The following TMPRSS7 variants were observed in gnomAD, a reference collection of about 807,000 sequenced individuals.
TMPRSS7 encodes transmembrane protease serine 7.
In TMPRSS7, 81 loss-of-function variants were observed where a neutral mutation model predicts 95.6. The ratio of observed to expected loss-of-function variants is 0.85; its 90% CI spans 0.71 to 1.02. The LOEUF (loss-of-function observed/expected upper bound fraction) is 1.02, where lower values mean the gene tolerates loss of function less well. Ranked by LOEUF, TMPRSS7 falls within the 50% of genes least tolerant of loss-of-function variation. The probability of loss-of-function intolerance (pLI) is 0.00; values close to 1 mark genes in which losing one functional copy is unlikely to be tolerated. For synonymous variants in TMPRSS7, 364 were observed against 337.8 expected (o/e 1.08, Z -0.85); for missense variants, 945 against 955.2 (o/e 0.99, Z 0.14).
rs1007254162 is a variant in TMPRSS7, at chr3:112,036,809, A to T, written c.49-1263A>T. ...CTGAAGCCATGGCAGAAGAACATAA[A>T]TTGTGAAGATTTCACGGACATTTAT... On this transcript the variant is annotated intron_variant, in intron 1 of 17. Transcript: ENST00000452346. 1.3e-4 allele frequency among the ~76,000 whole-genome samples: 20 copies of T among 152,314 alleles called. No homozygotes were observed. In the East Asian group the frequency reaches 3.5e-3, roughly 26 times the overall value.
chr3:112,059,779 A>G (rs941576157), intron 10 of TMPRSS7, among the ~76,000 whole-genome samples: 1 of 152,226 alleles, frequency 6.6e-6, no homozygotes, highest in Non-Finnish European at 1.5e-5. Context: ...ACTCTTCCTG[A>G]AAAACACATG....
chr3:112,056,223 A>T (rs1237279617), intron 9 of TMPRSS7, among the ~76,000 whole-genome samples: 5 of 152,188 alleles, frequency 3.3e-5, no homozygotes, highest in Non-Finnish European at 7.3e-5. Flanking sequence ...TTTTAAAGTG[A>T]CCATGAAGCA....
chr3:112,051,721 C>T (rs1446898642), intron 9 of TMPRSS7, among the ~76,000 whole-genome samples: 2 of 144,040 alleles, frequency 1.4e-5, no homozygotes, highest in African/African-American at 5.1e-5. Context: ...TCTATCTCTC[C>T]CTCTGGTGCT....
At chr3:112,057,804 C>T (rs1014686804) in intron 10 of TMPRSS7, among the ~76,000 whole-genome samples, 1 of 152,142 alleles carries the variant, frequency 6.6e-6, no homozygotes, top group Non-Finnish European at 1.5e-5. Context: ...TGGCTCACTA[C>T]AACCTCTGCC....
chr3:112,050,284 A>T (rs1417194823), intron 8 of TMPRSS7, among the ~76,000 whole-genome samples: 3 of 152,162 alleles, frequency 2.0e-5, no homozygotes, highest in Non-Finnish European at 4.4e-5. Context: ...CAAAGGAAAG[A>T]GGTTGAGATT....
chr3:112,078,665 T>A, intron 16 of TMPRSS7, 77 bp from the exon 17 acceptor site: 2 of 1,577,336 alleles, frequency 1.3e-6, no homozygotes, highest in Non-Finnish European at 1.7e-6. Flanking sequence ...ATAATGTGTG[T>A]TAACTTTTCA....
intron 15 of TMPRSS7, 58 bp downstream of exon 15, chr3:112,075,550 T>A (rs1172638450): frequency 7.7e-7 from 1 of 1,303,250 alleles, no homozygotes; most frequent in African/African-American, 1.5e-5. Flanking sequence ...ACAATATATC[T>A]GCCCTCAAAT....
intron 9 of TMPRSS7, among the ~76,000 whole-genome samples, chr3:112,052,179 G>T (rs946928349): frequency 6.6e-6 from 1 of 152,124 alleles, no homozygotes; most frequent in Non-Finnish European, 1.5e-5. Flanking sequence ...GAGGTGTGAA[G>T]CATAACAAGT....
At chr3:112,053,077 A>G (rs11720631) in intron 9 of TMPRSS7, among the ~76,000 whole-genome samples, 39,213 of 151,876 alleles carry the variant, frequency 0.26, 5,139 homozygotes, top group Middle Eastern at 0.29. Flanking sequence ...GTTAAATAAA[A>G]CTGTTCCTTT....
chr3:112,080,480 C>T (rs168150), intron 17 of TMPRSS7, among the ~76,000 whole-genome samples: 84,372 of 151,890 alleles, frequency 0.56, 23,562 homozygotes, highest in Non-Finnish European at 0.59. Context: ...TTAAATGTCT[C>T]TAAACGATTC....
At chr3:112,066,342 C>T (rs1323273556) in intron 12 of TMPRSS7, 50 bp from the exon 13 acceptor site, 6 of 1,536,882 alleles carry the variant, frequency 3.9e-6, no homozygotes, top group Non-Finnish European at 5.4e-6. Context: ...TCAGAGAACC[C>T]AGCTGGTGTC....
At chr3:112,071,046 A>G (rs9756806) in intron 13 of TMPRSS7, among the ~76,000 whole-genome samples, 4,563 of 152,246 alleles carry the variant, frequency 0.03, 191 homozygotes, top group African/African-American at 0.088. Flanking sequence ...AGCATCGATG[A>G]CCTTTACAAT....
chr3:112,060,012 G>A (rs2073479888), intron 10 of TMPRSS7, among the ~76,000 whole-genome samples: 2 of 152,128 alleles, frequency 1.3e-5, no homozygotes, highest in Non-Finnish European at 2.9e-5. Context: ...AGAAATAAAG[G>A]GACAGAGTAC....
chr3:112,047,006 G>C, exon 6 of TMPRSS7: 1 of 702,680 alleles, frequency 1.4e-6, no homozygotes, highest in Non-Finnish European at 2.6e-6. Context: ...GTCAACCATA[G>C]GATCTGGTAA....
chr3:112,055,344 T>C (rs990418689), intron 9 of TMPRSS7, among the ~76,000 whole-genome samples: 3 of 152,134 alleles, frequency 2.0e-5, no homozygotes, highest in Non-Finnish European at 4.4e-5. Flanking sequence ...GTTGTTGTGA[T>C]GTTTAAGTGA....
At chr3:112,048,803 T>C (rs889399211) in intron 7 of TMPRSS7, among the ~76,000 whole-genome samples, 11 of 152,240 alleles carry the variant, frequency 7.2e-5, no homozygotes, top group Admixed American at 2.6e-4. Context: ...CAGCTTCTTT[T>C]CATCCTTTCA....
chr3:112,052,793 G>T (rs904222575), intron 9 of TMPRSS7, among the ~76,000 whole-genome samples: 7 of 152,112 alleles, frequency 4.6e-5, no homozygotes, highest in Non-Finnish European at 1.0e-4. Context: ...TAAAATAAAG[G>T]TTGACTTCTT....
At position 112,042,148 on chromosome 3, in the gene TMPRSS7, G is replaced by A; in HGVS notation, c.429+98G>A. On this transcript the variant is annotated intron_variant, in intron 3 of 17. Coordinates refer to ENST00000452346, the Ensembl canonical transcript of TMPRSS7. The stretch of plus-strand genomic sequence containing the variant: ...AACACAAGTGTCACAGGTGAGCAGG[G>A]TTTAGGGAAGTAGAGGGCAGGGTAG... 4.1e-6 allele frequency: 4 copies of A among 965,476 alleles called. No individual in the cohort carries two copies. In the South Asian group the frequency reaches 6.2e-5, roughly 15 times the overall value. 59.8% of individuals were successfully genotyped at this position (965,476 alleles called of 1,614,324 possible).
intron 2 of TMPRSS7, chr3:112,039,760 T>A (rs201873338): frequency 6.6e-6 from 1 of 152,334 alleles, no homozygotes; most frequent in East Asian, 1.9e-4. Flanking sequence ...GTAAGTAAAG[T>A]GTTTCTCTGA....
Sources: gnomAD v4.1 joint callset for allele counts (sites outside exome capture counted in the v4.1 genomes callset) on GRCh38, gnomAD v4.1.1 for gene constraint, MANE v1.5 for transcripts, NCBI Gene and HGNC (gene_info 2026-07-23, HGNC 2026-07-21) for gene names.